FOCAD: variants seen among roughly 807,000 people sequenced by gnomAD.
The protein encoded by FOCAD is KIAA1797.
In FOCAD, 198 loss-of-function variants were observed where a neutral mutation model predicts 225.6. The observed-to-expected ratio is 0.88, with a 90% confidence interval of 0.78 to 0.99. The LOEUF (loss-of-function observed/expected upper bound fraction) is 0.99. Ranked by LOEUF, FOCAD falls within the 50% of genes least tolerant of loss-of-function variation. The pLI, the probability that FOCAD is intolerant of heterozygous loss-of-function variation, is 0.00. For synonymous variants in FOCAD, 897 were observed against 755.0 expected (o/e 1.19, Z -3.08); for missense variants, 2,713 against 2,123.6 (o/e 1.28, Z -5.46).
chr9:20,659,568 T>C (rs1309077857), intron 2 of FOCAD, among the ~76,000 whole-genome samples: 2 of 152,158 alleles, frequency 1.3e-5, no homozygotes, highest in Non-Finnish European at 2.9e-5. Flanking sequence ...AGTGGTCATC[T>C]GCATGTCAAG....
chr9:20,865,635 A>G (rs951838083), intron 16 of FOCAD, among the ~76,000 whole-genome samples: 6 of 152,114 alleles, frequency 3.9e-5, no homozygotes, highest in African/African-American at 1.4e-4. Flanking sequence ...CAGTGGCATG[A>G]AAGAGTGACA....
At chr9:20,873,324 G>C (rs1321586462) in intron 18 of FOCAD, among the ~76,000 whole-genome samples, 1 of 152,146 alleles carries the variant, frequency 6.6e-6, no homozygotes, top group Non-Finnish European at 1.5e-5. Flanking sequence ...CACTAGGATT[G>C]TTTAGAATCT....
chr9:20,880,631 G>A (rs1017742603), intron 19 of FOCAD, among the ~76,000 whole-genome samples: 2 of 152,166 alleles, frequency 1.3e-5, no homozygotes, highest in Non-Finnish European at 2.9e-5. Context: ...AGCTTTGAAT[G>A]GAGAATCTTG....
At position 20,807,146 on chromosome 9, in the gene FOCAD, A is replaced by G. The variant is rs190582040; in HGVS notation, c.1456-12650A>G. ...CAGTGTTTGATGAAAGTTATGTATT[A>G]TTAAAATTATAGTTGATTTTTATAG... On this transcript the variant is annotated intron_variant, in intron 11 of 43. Coordinates refer to ENST00000338382, the MANE Select transcript of FOCAD (RefSeq NM_001375567.1). 8.8e-4 allele frequency among the ~76,000 whole-genome samples: 134 copies of G among 152,362 alleles called. 2 individuals are homozygous for G. The highest frequency in any genetic ancestry group is 3.2e-3 in the African/African-American group (132 of 41,596).
chr9:20,694,565 G>A (rs1823194488), intron 1 of FOCAD: 1 of 152,088 alleles, frequency 6.6e-6, no homozygotes, highest in Non-Finnish European at 1.5e-5. Flanking sequence ...GTTGAAAATG[G>A]TAATAATTTT....
At chr9:20,673,319 A>G (rs1822132373) in intron 2 of FOCAD, among the ~76,000 whole-genome samples, 1 of 152,212 alleles carries the variant, frequency 6.6e-6, no homozygotes, top group South Asian at 2.1e-4. Flanking sequence ...ACGGAACTCT[A>G]TGCTTAACAC....
At chr9:20,792,045 A>G (rs1392278045) in intron 11 of FOCAD, among the ~76,000 whole-genome samples, 4 of 152,184 alleles carry the variant, frequency 2.6e-5, no homozygotes, top group African/African-American at 9.7e-5. Flanking sequence ...GCCTCTGGCC[A>G]CCTGGTATGT....
intron 22 of FOCAD, among the ~76,000 whole-genome samples, chr9:20,908,710 A>G (rs1048562222): frequency 6.6e-6 from 1 of 152,104 alleles, no homozygotes; most frequent in Non-Finnish European, 1.5e-5. Flanking sequence ...TGAATGACTC[A>G]TGTCTCTATA....
chr9:20,741,898 C>G (rs939641992), intron 5 of FOCAD, among the ~76,000 whole-genome samples: 1 of 151,860 alleles, frequency 6.6e-6, no homozygotes, highest in African/African-American at 2.4e-5. Flanking sequence ...TTAAGATGGG[C>G]TTATTTATTT....
At chr9:20,906,699 T>C (rs1833010741) in intron 21 of FOCAD, among the ~76,000 whole-genome samples, 1 of 152,086 alleles carries the variant, frequency 6.6e-6, no homozygotes, top group Non-Finnish European at 1.5e-5. Context: ...CAACATGATA[T>C]TTCTGTTGGC....
intron 21 of FOCAD, among the ~76,000 whole-genome samples, chr9:20,894,079 G>C (rs1302062470): frequency 6.6e-6 from 1 of 151,894 alleles, no homozygotes; most frequent in Non-Finnish European, 1.5e-5. Flanking sequence ...TCTTTTTACT[G>C]TCTCTATAGT....
intron 15 of FOCAD, among the ~76,000 whole-genome samples, chr9:20,824,581 A>G (rs924236523): frequency 1.3e-5 from 2 of 152,062 alleles, no homozygotes; most frequent in African/African-American, 4.8e-5. Flanking sequence ...TCTCTAAGAC[A>G]TCATCATTAA....
At chr9:20,864,966 T>C (rs545718856) in intron 16 of FOCAD, among the ~76,000 whole-genome samples, 90 of 152,228 alleles carry the variant, frequency 5.9e-4, no homozygotes, top group Middle Eastern at 3.4e-3. Context: ...GAGTATCTGC[T>C]ATGTTCTAGG....
At chr9:20,668,961 C>T (rs143882561) in intron 2 of FOCAD, among the ~76,000 whole-genome samples, 2 of 152,220 alleles carry the variant, frequency 1.3e-5, no homozygotes, top group African/African-American at 4.8e-5. Context: ...CATCTCTGGG[C>T]TGACATTTTC....
intron 42 of FOCAD, 144 bp downstream of exon 42, chr9:20,990,518 A>G (rs1841558540): frequency 1.9e-6 from 2 of 1,027,772 alleles, no homozygotes; most frequent in South Asian, 1.7e-5. Context: ...AGCCAGATGC[A>G]GAGTCTCAGA....
At chr9:20,679,682 T>C (rs1325496662), upstream of FOCAD, among the ~76,000 whole-genome samples, 1 of 152,144 alleles carries the variant, frequency 6.6e-6, no homozygotes, top group Non-Finnish European at 1.5e-5. Context: ...ACTACTTCAG[T>C]GGAAATAATA....
In FOCAD at chr9:20,951,098, G is replaced by A. The variant is rs765129889; in HGVS notation, c.4051G>A (p.Val1351Ile). The A allele has an allele frequency of 6.2e-7, 1 of 1,611,190 alleles. No individual in the cohort carries two copies. Among genetic ancestry groups the A allele is most frequent in the Non-Finnish European group, 8.5e-7 (1 of 1,177,558 alleles). ...TLSSSQSRASVPTDYSYLPES... is the reference protein window; with the variant it reads ...TLSSSQSRASIPTDYSYLPES... ...ATCCTCAAGTCAAAGTAGAGCCTCT[G>A]GTAAGATTAAAGTCATAAAATACTG... The change falls in exon 34 of 44, where the codon GTT becomes ATT. Residue 1351 changes from valine to isoleucine, a missense_variant and splice_region_variant. Physicochemically the swap from Val to Ile is conservative, Grantham distance 29 (BLOSUM62 3). Transcript: ENST00000338382.
chr9:20,851,488 A>G (rs1827650954), intron 15 of FOCAD, among the ~76,000 whole-genome samples: 1 of 151,860 alleles, frequency 6.6e-6, no homozygotes, highest in African/African-American at 2.4e-5. Context: ...GAACAATTCA[A>G]GTCAAATCCA....
At chr9:20,694,465 T>C (rs1293385881) in intron 1 of FOCAD, 6 of 152,202 alleles carry the variant, frequency 3.9e-5, no homozygotes, top group Admixed American at 3.9e-4. Context: ...TCTCTATATG[T>C]CTCAGCCTCC....
Sources: gnomAD v4.1 joint callset for allele counts (sites outside exome capture counted in the v4.1 genomes callset) on GRCh38, gnomAD v4.1.1 for gene constraint, MANE v1.5 for transcripts, NCBI Gene and HGNC (gene_info 2026-07-23, HGNC 2026-07-21) for gene names.